Variants in SV2B observed in about 807,000 individuals in gnomAD.
SV2B encodes solute carrier family 22 member B2.
Under a neutral mutation model 73.9 loss-of-function variants are expected in SV2B, and 41 were observed. The observed-to-expected ratio is 0.56, with a 90% CI of 0.43 to 0.72. SV2B has a LOEUF of 0.72. Among genes scored for constraint, SV2B ranks in the 30% least tolerant of loss-of-function variants. SV2B has a pLI of 0.00. For missense variants in SV2B, 764 were observed against 857.8 expected (o/e 0.89, Z 1.37); for synonymous variants, 314 against 314.2 (o/e 1.00, Z 0.01).
At position 91,230,640 on chromosome 15, in the gene SV2B, G is replaced by C. The variant is rs114556887; in HGVS notation, c.451+3926G>C. 5.3e-3 allele frequency among the ~76,000 whole-genome samples: 803 copies of C among 152,286 alleles called. 7 individuals carry two copies. The highest frequency in any genetic ancestry group is 0.018 in the African/African-American group (752 of 41,554). On this transcript the variant is annotated intron_variant, in intron 2 of 12. Coordinates refer to ENST00000394232, the MANE Select transcript of SV2B (RefSeq NM_001323032.3). ...AACCCTGCTTAGTGTCCAGGAGTTG[G>C]TCTCCTTCAACTCTCAATGAAGAAG...
rs2042819467 is a variant in SV2B, at chr15:91,136,206, T to C, written c.-392+35843T>C. ...TCTGATATGCCAAAGAGGGGCCTGC[T>C]GGAGAGAACTTAGCAGGATGCCATT... On this transcript the variant is annotated intron_variant, in intron 1 of 12. Coordinates refer to ENST00000394232, the MANE Select transcript of SV2B (RefSeq NM_001323032.3). This position sits in a 1 kb window ranked among gnomAD's most constrained non-coding sequence, Gnocchi z 5.6. 6.6e-6 allele frequency among the ~76,000 whole-genome samples: 1 copy of C among 152,178 alleles called. No individual in the cohort carries two copies.
intron 1 of SV2B, among the ~76,000 whole-genome samples, chr15:91,221,339 C>T (rs1214250316): frequency 6.6e-6 from 1 of 152,152 alleles, no homozygotes; most frequent in Non-Finnish European, 1.5e-5. Context: ...CAGTTAATAG[C>T]TTGCACGCAG....
Position 91,108,034 on chromosome 15 carries a change from A to G in SV2B, c.-392+7671A>G, listed in dbSNP as rs560732631. 2.4e-3 allele frequency among the ~76,000 whole-genome samples: 366 copies of G among 152,278 alleles called. 1 individual carries two copies. The highest frequency in any genetic ancestry group is 8.4e-3 in the African/African-American group (349 of 41,536). ...TGGTGGTGGTGATGATGATGATGAT[A>G]GTAATCATACCCCAGTGTTCTGCAG... On this transcript the variant is annotated intron_variant, in intron 1 of 12. Coordinates refer to ENST00000394232, the MANE Select transcript of SV2B (RefSeq NM_001323032.3).
intron 1 of SV2B, among the ~76,000 whole-genome samples, chr15:91,209,168 C>T (rs2045763172): frequency 7.3e-6 from 1 of 136,092 alleles, no homozygotes; most frequent in Non-Finnish European, 1.5e-5. Context: ...GTTGCCCAGG[C>T]TGGAGTGCAG....
At chr15:91,099,760 A>C (rs2041671075), upstream of SV2B, among the ~76,000 whole-genome samples, 1 of 152,144 alleles carries the variant, frequency 6.6e-6, no homozygotes, top group Non-Finnish European at 1.5e-5. Context: ...GATCGACGAT[A>C]CTTTGGGGGC....
chr15:91,219,843 T>C (rs1344837654), intron 1 of SV2B, among the ~76,000 whole-genome samples: 1 of 152,248 alleles, frequency 6.6e-6, no homozygotes. Flanking sequence ...TCTATGGATT[T>C]GCATATTCTG....
At chr15:91,113,419 T>A (rs2042091774) in intron 1 of SV2B, among the ~76,000 whole-genome samples, 1 of 152,230 alleles carries the variant, frequency 6.6e-6, no homozygotes, top group Non-Finnish European at 1.5e-5. Context: ...TTTAGCTGAC[T>A]TTCACCCACA....
intron 1 of SV2B, among the ~76,000 whole-genome samples, chr15:91,155,839 G>T (rs932081461): frequency 6.6e-6 from 1 of 152,006 alleles, no homozygotes; most frequent in African/African-American, 2.4e-5. Flanking sequence ...GTTCCAGACC[G>T]TTAAGGTAGA....
At chr15:91,174,494 G>T (rs528539582) in intron 1 of SV2B, among the ~76,000 whole-genome samples, 77 of 151,966 alleles carry the variant, frequency 5.1e-4, no homozygotes, top group African/African-American at 1.8e-3. Context: ...AAAAAAAAAG[G>T]CTTAATTTAA....
rs147212870 is a variant in SV2B at position 91,153,804 on chromosome 15, AGGGCAGGGGCAG to A, written c.-392+53457_-392+53468del. 1.6e-4 allele frequency among the ~76,000 whole-genome samples: 24 copies of A among 151,134 alleles called. No individual in the cohort carries two copies. The South Asian group carries it at 3.6e-3, about 22-fold the overall frequency. On this transcript the variant is annotated intron_variant, in intron 1 of 12. Coordinates refer to ENST00000394232, the MANE Select transcript of SV2B (RefSeq NM_001323032.3). ...GAGACAAGGGTCAAAGAATTATGTG[AGGGCAGGGGCAG>A]GGGCAGGGGCAGGGGACAGTAACAC...
intron 1 of SV2B, among the ~76,000 whole-genome samples, chr15:91,102,686 T>C (rs898013878): frequency 6.6e-6 from 1 of 152,194 alleles, no homozygotes; most frequent in Non-Finnish European, 1.5e-5. Context: ...TGAGACACTG[T>C]AATGGAGAAA....
chr15:91,264,290 A>G (rs189984175), intron 6 of SV2B, among the ~76,000 whole-genome samples: 379 of 152,374 alleles, frequency 2.5e-3, no homozygotes, highest in Admixed American at 4.1e-3. Context: ...TACTGTGTGA[A>G]GAGAGAAACT....
intron 1 of SV2B, among the ~76,000 whole-genome samples, chr15:91,133,615 G>C (rs967129673): frequency 6.6e-6 from 1 of 152,162 alleles, no homozygotes; most frequent in Non-Finnish European, 1.5e-5. Context: ...ACAGGCGGCA[G>C]GGCTTCCATC....
Position 91,283,912 on chromosome 15 carries a change from G to A in SV2B, c.1508-109G>A. 9.2e-7 allele frequency: 1 copy of A among 1,091,518 alleles called. No individual in the cohort carries two copies. The highest frequency in any genetic ancestry group is 2.4e-5 in the East Asian group (1 of 41,444). The allele number at this position is 1,091,518 out of a possible 1,614,324, so 67.6% of individuals were successfully genotyped here. A position where few individuals can be genotyped will look rare whatever the true frequency, so the allele number is the denominator to read the frequency against. ...ACTTTGAGGCTGTCTGACTGGCAAAGGCTGGCACAGCCTGCCTACAGGAGG... is the reference window on the plus strand; with the variant it reads ...ACTTTGAGGCTGTCTGACTGGCAAAAGCTGGCACAGCCTGCCTACAGGAGG... On this transcript the variant is annotated intron_variant, in intron 10 of 12. Coordinates refer to ENST00000394232, the MANE Select transcript of SV2B (RefSeq NM_001323032.3). This position sits in a 1 kb window ranked among gnomAD's most constrained non-coding sequence, Gnocchi z 4.3.
Position 91,140,135 on chromosome 15 carries a change from A to C in SV2B, c.-392+39772A>C, listed in dbSNP as rs562760028. On this transcript the variant is annotated intron_variant, in intron 1 of 12. Coordinates refer to ENST00000394232, the MANE Select transcript of SV2B (RefSeq NM_001323032.3). The surrounding 1 kb of genome is among the most constrained non-coding windows in gnomAD (Gnocchi z 4.4). ...TGATTCTGATGTACCGAGTTTGAGA[A>C]CCACTGGTGTAGGCAAACATTTCTG... Among the ~76,000 whole-genome samples the C allele has an allele frequency of 1.3e-5, 2 of 152,162 alleles. No homozygotes were observed. Among genetic ancestry groups the C allele is most frequent in the South Asian group, 2.1e-4 (1 of 4,814 alleles).
intron 1 of SV2B, among the ~76,000 whole-genome samples, chr15:91,125,947 TG>T (rs2042470748): frequency 1.3e-5 from 2 of 152,142 alleles, no homozygotes; most frequent in Admixed American, 6.5e-5. Flanking sequence ...ATGATGATGA[TG>T]ATGATAGTTG....
intron 1 of SV2B, among the ~76,000 whole-genome samples, chr15:91,178,484 C>T (rs368606711): frequency 2.5e-4 from 37 of 150,592 alleles, no homozygotes; most frequent in South Asian, 2.1e-4. Flanking sequence ...TTCCTCCTTG[C>T]ACCTCTGGTA....
chr15:91,149,125 A>G (rs1239167570), intron 1 of SV2B, among the ~76,000 whole-genome samples: 2 of 152,210 alleles, frequency 1.3e-5, no homozygotes, highest in Admixed American at 1.3e-4. Context: ...GACTGGTCCT[A>G]TCTCACTTTT....
chr15:91,123,146 C>T lies in SV2B; in HGVS notation c.-392+22783C>T, dbSNP rs759733667. 3.3e-5 allele frequency among the ~76,000 whole-genome samples: 5 copies of T among 151,930 alleles called. No homozygotes were observed. The highest frequency in any genetic ancestry group is 7.3e-5 in the African/African-American group (3 of 41,370). ...AAAATTAGCTAAGCATGGTGGTGTG[C>T]GCTTGTAGTCTCAGCTACCTGGGAG... On this transcript the variant is annotated intron_variant, in intron 1 of 12. Transcript: ENST00000394232. This position sits in a 1 kb window ranked among gnomAD's most constrained non-coding sequence, Gnocchi z 4.7.
Sources: gnomAD v4.1 joint callset for allele counts (sites outside exome capture counted in the v4.1 genomes callset) on GRCh38, gnomAD v4.1.1 for gene constraint, Gnocchi (gnomAD v3.1) non-coding constraint, MANE v1.5 for transcripts, NCBI Gene and HGNC (gene_info 2026-07-23, HGNC 2026-07-21) for gene names.